The following CCDC178 variants were observed in gnomAD, a reference collection of about 807,000 sequenced individuals.
The protein encoded by CCDC178 is coiled-coil domain containing 178.
A neutral mutation model predicts 117.4 loss-of-function variants in CCDC178; 126 were observed. The ratio of observed to expected loss-of-function variants is 1.07; its 90% confidence interval spans 0.93 to 1.24. The LOEUF (loss-of-function observed/expected upper bound fraction) is 1.24, where lower values mean the gene tolerates loss of function less well. Among genes scored for constraint, CCDC178 ranks in the 50% most tolerant of loss-of-function variants. The probability of loss-of-function intolerance (pLI) is 0.00; values close to 1 mark genes in which losing one functional copy is unlikely to be tolerated. For synonymous variants in CCDC178, 283 were observed against 313.4 expected (o/e 0.90, Z 1.02); for missense variants, 1,030 against 986.9 (o/e 1.04, Z -0.59).
intron 2 of CCDC178, among the ~76,000 whole-genome samples, chr18:33,413,837 G>A (rs569903072): frequency 1.2e-4 from 18 of 152,074 alleles, no homozygotes; most frequent in Non-Finnish European, 1.9e-4. Flanking sequence ...CCATTCCTAG[G>A]ACTGAGACCC....
At chr18:32,997,560 T>TA (rs2055539331) in intron 21 of CCDC178, among the ~76,000 whole-genome samples, 1 of 152,122 alleles carries the variant, frequency 6.6e-6, no homozygotes, top group African/African-American at 2.4e-5. Flanking sequence ...TTCCTTAAAA[T>TA]AAAATCTCTC....
At chr18:33,107,303 A>G (rs1254122569) in intron 20 of CCDC178, among the ~76,000 whole-genome samples, 1 of 151,698 alleles carries the variant, frequency 6.6e-6, no homozygotes, top group African/African-American at 2.4e-5. Flanking sequence ...AGTTATTAAT[A>G]AATGAATTAT....
intron 21 of CCDC178, among the ~76,000 whole-genome samples, chr18:33,007,169 G>A (rs982627606): frequency 6.6e-5 from 10 of 152,000 alleles, no homozygotes; most frequent in Non-Finnish European, 1.3e-4. Context: ...CATAGAGGCC[G>A]TGGGAATAAT....
chr18:33,237,919 A>T (rs1376549576), intron 15 of CCDC178, among the ~76,000 whole-genome samples: 1 of 152,182 alleles, frequency 6.6e-6, no homozygotes, highest in Non-Finnish European at 1.5e-5. Context: ...AAGTTAGCTG[A>T]CCCATCATGT....
intron 22 of CCDC178, among the ~76,000 whole-genome samples, chr18:32,947,765 T>C (rs1279990647): frequency 6.6e-6 from 1 of 152,168 alleles, no homozygotes; most frequent in African/African-American, 2.4e-5. Flanking sequence ...GTGCTGTACA[T>C]AAGACATCTT....
At chr18:33,427,704 G>T (rs891318611) in intron 2 of CCDC178, among the ~76,000 whole-genome samples, 19 of 152,276 alleles carry the variant, frequency 1.2e-4, no homozygotes, top group African/African-American at 4.3e-4. Flanking sequence ...AGAACTCACA[G>T]AGTCAGCTTC....
chr18:33,311,837 C>T (rs1450805356), intron 11 of CCDC178, among the ~76,000 whole-genome samples: 1 of 152,172 alleles, frequency 6.6e-6, no homozygotes, highest in Non-Finnish European at 1.5e-5. Context: ...GACATAGGAA[C>T]CACCTACAAG....
intron 21 of CCDC178, among the ~76,000 whole-genome samples, chr18:33,075,087 T>C (rs560136380): frequency 4.6e-5 from 7 of 152,278 alleles, no homozygotes; most frequent in Middle Eastern, 3.4e-3. Context: ...ACTTCAATCT[T>C]AAACAGGTAG....
intron 5 of CCDC178, among the ~76,000 whole-genome samples, chr18:33,381,458 T>G (rs532081339): frequency 2.8e-4 from 42 of 152,278 alleles, no homozygotes; most frequent in African/African-American, 9.9e-4. Context: ...CCTTCTTAAT[T>G]GCACCTCAGT....
Position 32,959,367 on chromosome 18 carries a change from A to C in CCDC178, c.2523+15180T>G, listed in dbSNP as rs557572608. ...TGGATTGAGGTAGGATACATAGTGCATTGAACTTTAGTTCTCATTTGGTGT... is the reference window on the plus strand; with the variant it reads ...TGGATTGAGGTAGGATACATAGTGCCTTGAACTTTAGTTCTCATTTGGTGT... On this transcript the variant is annotated intron_variant, in intron 22 of 22. Transcript: ENST00000383096. Among the ~76,000 whole-genome samples the C allele has an allele frequency of 3.3e-5, 5 of 152,276 alleles. No homozygotes were observed. The South Asian group carries it at 1.0e-3, about 32-fold the overall frequency.
chr18:33,143,362 A>G (rs1300416927), intron 20 of CCDC178, among the ~76,000 whole-genome samples: 1 of 152,126 alleles, frequency 6.6e-6, no homozygotes, highest in Non-Finnish European at 1.5e-5. Flanking sequence ...GTAAAAACCA[A>G]AGACTATTTT....
At chr18:33,174,708 T>C (rs925047407) in intron 20 of CCDC178, among the ~76,000 whole-genome samples, 9 of 152,200 alleles carry the variant, frequency 5.9e-5, no homozygotes, top group Non-Finnish European at 7.3e-5. Flanking sequence ...TTTTATCAAA[T>C]TATATAAGAA....
At chr18:33,428,752 A>AG (rs1285724988) in intron 2 of CCDC178, among the ~76,000 whole-genome samples, 8 of 149,566 alleles carry the variant, frequency 5.3e-5, no homozygotes, top group African/African-American at 2.0e-4. Context: ...AAAAAAAAAA[A>AG]AGAGAAAAGA....
At chr18:33,435,997 G>A (rs2064285108) in intron 2 of CCDC178, among the ~76,000 whole-genome samples, 1 of 152,058 alleles carries the variant, frequency 6.6e-6, no homozygotes, top group Non-Finnish European at 1.5e-5. Flanking sequence ...CAATATTCAT[G>A]AGAAGGTTTG....
At chr18:33,065,677 T>A (rs952031187) in intron 21 of CCDC178, among the ~76,000 whole-genome samples, 1 of 152,082 alleles carries the variant, frequency 6.6e-6, no homozygotes, top group African/African-American at 2.4e-5. Context: ...GAGAGAATTA[T>A]AAAAGCAGCA....
intron 22 of CCDC178, among the ~76,000 whole-genome samples, chr18:32,973,361 A>G (rs925536826): frequency 3.9e-5 from 6 of 152,110 alleles, no homozygotes; most frequent in Non-Finnish European, 7.4e-5. Context: ...TTCCAGCCAC[A>G]ATATAATGTG....
intron 11 of CCDC178, among the ~76,000 whole-genome samples, chr18:33,317,176 T>G (rs2062431596): frequency 6.6e-6 from 1 of 152,104 alleles, no homozygotes; most frequent in African/African-American, 2.4e-5. Flanking sequence ...GCTCACTCTT[T>G]GGGTCCACAC....
chr18:32,989,216 G>C (rs1187141073), intron 21 of CCDC178, among the ~76,000 whole-genome samples: 1 of 152,136 alleles, frequency 6.6e-6, no homozygotes, highest in African/African-American at 2.4e-5. Context: ...AATATATGTG[G>C]CAAGTATTTG....
Position 33,359,477 on chromosome 18 carries a change from G to T in CCDC178, c.349-3131C>A, listed in dbSNP as rs1170159015. Reference sequence around the variant, plus strand: ...ACTATTTATTCAGGATATTGAAGTGGTTAACACAGAGAAGGCCTACAATTC... The same window carrying T: ...ACTATTTATTCAGGATATTGAAGTGTTTAACACAGAGAAGGCCTACAATTC... On this transcript the variant is annotated intron_variant, in intron 6 of 22. Transcript: ENST00000383096. Among the ~76,000 whole-genome samples, 3 of 151,564 alleles carry T rather than the reference G, an allele frequency of 2.0e-5. No homozygotes were observed. The East Asian group carries it at 5.8e-4, about 29-fold the overall frequency.
Sources: gnomAD v4.1 joint callset for allele counts (sites outside exome capture counted in the v4.1 genomes callset) on GRCh38, gnomAD v4.1.1 for gene constraint, MANE v1.5 for transcripts, NCBI Gene and HGNC (gene_info 2026-07-23, HGNC 2026-07-21) for gene names.